SYN3: variants seen among roughly 807,000 people sequenced by gnomAD.
SYN3 encodes the protein synapsin-3.
In SYN3, 35 loss-of-function variants were observed where a neutral mutation model predicts 65.8. The ratio of observed to expected loss-of-function variants is 0.53; its 90% confidence interval spans 0.41 to 0.70. The LOEUF (loss-of-function observed/expected upper bound fraction) is 0.70. SYN3 is among the 30% of genes least tolerant of loss of function. The pLI, the probability that SYN3 is intolerant of heterozygous loss-of-function variation, is 0.00. For missense variants in SYN3, 680 were observed against 749.0 expected (o/e 0.91, Z 1.08); for synonymous variants, 270 against 292.9 (o/e 0.92, Z 0.80).
rs533181723 is a variant in SYN3, at chr22:33,027,825, C to A, written c.-162-21001G>T. On this transcript the variant is annotated intron_variant, in intron 1 of 13. Transcript: ENST00000358763. ...GCCGAAAATTCTCAACTAGAATCTT[C>A]AGAGGATCCAGTTCAACAACTTCAT... Among the ~76,000 whole-genome samples, 5 of 152,314 alleles carry A rather than the reference C, an allele frequency of 3.3e-5. No homozygotes were observed. In the East Asian group the frequency reaches 9.6e-4, roughly 29 times the overall value.
chr22:32,705,274 G>A (rs2060865732), intron 6 of SYN3, among the ~76,000 whole-genome samples: 1 of 152,126 alleles, frequency 6.6e-6, no homozygotes, highest in South Asian at 2.1e-4. Flanking sequence ...TCTACATATG[G>A]TTAGCCAGTT....
At chr22:32,692,029 G>A (rs1457182989) in intron 6 of SYN3, among the ~76,000 whole-genome samples, 1 of 151,010 alleles carries the variant, frequency 6.6e-6, no homozygotes, top group Admixed American at 6.6e-5. Context: ...ACAAAAACAA[G>A]AAAACAACTG....
At chr22:32,805,536 G>A (rs985992797) in intron 6 of SYN3, among the ~76,000 whole-genome samples, 2 of 152,162 alleles carry the variant, frequency 1.3e-5, no homozygotes, top group East Asian at 3.9e-4. Context: ...GGAAGGAGGA[G>A]AGCTGCTATC....
chr22:32,771,351 G>A (rs1359389374), intron 6 of SYN3, among the ~76,000 whole-genome samples: 1 of 152,202 alleles, frequency 6.6e-6, no homozygotes, highest in Non-Finnish European at 1.5e-5. Context: ...GAGGAAAAAG[G>A]TTCAACCACA....
chr22:32,666,272 G>A (rs2060288408), intron 6 of SYN3, among the ~76,000 whole-genome samples: 1 of 152,126 alleles, frequency 6.6e-6, no homozygotes, highest in Non-Finnish European at 1.5e-5. Context: ...GTCGGAGTGT[G>A]TCACTCCTCT....
intron 6 of SYN3, among the ~76,000 whole-genome samples, chr22:32,657,776 A>T (rs778091892): frequency 2.8e-3 from 424 of 152,286 alleles, no homozygotes; most frequent in Non-Finnish European, 4.8e-3. Context: ...TCCTCAATGC[A>T]TGCCAGCCAG....
intron 6 of SYN3, among the ~76,000 whole-genome samples, chr22:32,598,174 C>T (rs997142611): frequency 6.6e-6 from 1 of 152,064 alleles, no homozygotes. Context: ...CTGTGGGCAC[C>T]GAAGGAACGC....
At chr22:33,014,741 T>C (rs754694695) in intron 1 of SYN3, among the ~76,000 whole-genome samples, 3 of 151,436 alleles carry the variant, frequency 2.0e-5, no homozygotes, top group Non-Finnish European at 2.9e-5. Context: ...AATCGCGCCA[T>C]TGCACTCAAG....
chr22:32,569,435 CTATCTATCTATCTTCTCTA>C (rs1569047852), intron 7 of SYN3, among the ~76,000 whole-genome samples: 18 of 150,246 alleles, frequency 1.2e-4, no homozygotes, highest in African/African-American at 4.0e-4. Context: ...ATCTATCTAT[CTATCTATCTATCTTCTCTA>C]TCTATCTAAA....
At chr22:32,655,567 A>G (rs1372110000) in intron 6 of SYN3, among the ~76,000 whole-genome samples, 2 of 152,164 alleles carry the variant, frequency 1.3e-5, no homozygotes, top group African/African-American at 4.8e-5. Context: ...CTGTTAGATC[A>G]GTAGCGGCAT....
chr22:32,567,690 G>A (rs2058693174), intron 7 of SYN3, among the ~76,000 whole-genome samples: 1 of 152,150 alleles, frequency 6.6e-6, no homozygotes, highest in Non-Finnish European at 1.5e-5. Flanking sequence ...CATGGAAGTA[G>A]GGATTATCAT....
At position 32,518,251 on chromosome 22, in the gene SYN3, G is replaced by T; in HGVS notation, c.1402C>A (p.Pro468Thr). Reference protein sequence around the residue: ...QQRLSPQGQQPLSPQSGSPQQ... With the variant: ...QQRLSPQGQQTLSPQSGSPQQ... The stretch of plus-strand genomic sequence containing the variant: ...GGAGATCCGGACTGGGGGCTCAGGG[G>T]CTGCTGGCCTTGTGGGGAGAGCCTC... The change falls in exon 13 of 14, where the codon CCC (proline) becomes ACC (threonine). Residue 468 changes from proline to threonine, a missense_variant. Pro to Thr is a conservative substitution (Grantham distance 38). Coordinates refer to ENST00000358763, the MANE Select transcript of SYN3 (RefSeq NM_003490.4). 1 of 1,613,348 alleles carries T rather than the reference G, an allele frequency of 6.2e-7. No homozygotes were observed. Among genetic ancestry groups the T allele is most frequent in the Non-Finnish European group, 8.5e-7 (1 of 1,179,664 alleles).
At chr22:32,561,975 G>A (rs530705339) in intron 7 of SYN3, among the ~76,000 whole-genome samples, 1 of 152,202 alleles carries the variant, frequency 6.6e-6, no homozygotes, top group African/African-American at 2.4e-5. Context: ...TTCCTCTTAC[G>A]ACACCCCAGC....
chr22:32,583,618 C>T (rs1425158898), intron 7 of SYN3, among the ~76,000 whole-genome samples: 1 of 152,210 alleles, frequency 6.6e-6, no homozygotes, highest in Non-Finnish European at 1.5e-5. Flanking sequence ...TTGATCTCTG[C>T]TTATCTCATC....
intron 1 of SYN3, among the ~76,000 whole-genome samples, chr22:33,028,638 C>A (rs1357044711): frequency 3.1e-5 from 3 of 95,464 alleles, no homozygotes; most frequent in Non-Finnish European, 6.3e-5. Context: ...ATAATAAGAA[C>A]CATGATGGTG....
intron 3 of SYN3, among the ~76,000 whole-genome samples, chr22:32,951,396 T>G (rs1382699521): frequency 1.3e-5 from 2 of 152,160 alleles, no homozygotes; most frequent in African/African-American, 4.8e-5. Flanking sequence ...CCAATTTCCT[T>G]GCTTATTCTT....
At chr22:32,846,355 T>C (rs1406061761) in intron 6 of SYN3, among the ~76,000 whole-genome samples, 4 of 152,248 alleles carry the variant, frequency 2.6e-5, no homozygotes, top group African/African-American at 9.6e-5. Context: ...GTTGCCTTTC[T>C]TCTCATCCTA....
chr22:32,845,950 G>C (rs2048049869), intron 6 of SYN3, among the ~76,000 whole-genome samples: 1 of 152,234 alleles, frequency 6.6e-6, no homozygotes, highest in South Asian at 2.1e-4. Context: ...AGAAACTGGA[G>C]CAAATACGGA....
chr22:32,895,553 A>G (rs544123996), intron 4 of SYN3, among the ~76,000 whole-genome samples: 1 of 152,344 alleles, frequency 6.6e-6, no homozygotes, highest in South Asian at 2.1e-4. Context: ...GATCCTTGAC[A>G]GCAAACCTCT....
Sources: allele counts gnomAD v4.1 joint callset (sites outside exome capture counted in the v4.1 genomes callset), GRCh38; gene constraint gnomAD v4.1.1; transcripts MANE v1.5; gene names NCBI Gene and HGNC (gene_info 2026-07-23, HGNC 2026-07-21).